The following JPH2 variants were observed in gnomAD, a reference collection of about 807,000 sequenced individuals.
JPH2 encodes the protein junctophilin 2.
JPH2 carries 38 observed loss-of-function variants against 55.9 expected under a neutral mutation model. That is an observed-to-expected ratio of 0.68 (90% CI 0.52 to 0.89). The LOEUF (loss-of-function observed/expected upper bound fraction) is 0.89, where lower values mean the gene tolerates loss of function less well. Among genes scored for constraint, JPH2 ranks in the 40% least tolerant of loss-of-function variants. The probability of loss-of-function intolerance (pLI) is 0.00; values close to 1 mark genes in which losing one functional copy is unlikely to be tolerated. For synonymous variants in JPH2, 480 were observed against 472.4 expected (o/e 1.02, Z -0.21); for missense variants, 964 against 1,037.6 (o/e 0.93, Z 0.97).
intron 2 of JPH2, among the ~76,000 whole-genome samples, chr20:44,140,575 C>T (rs905631314): frequency 2.6e-5 from 4 of 152,156 alleles, no homozygotes; most frequent in South Asian, 2.1e-4. Context: ...CACAAGGATA[C>T]GGCTTGGCCA....
intron 2 of JPH2, among the ~76,000 whole-genome samples, chr20:44,121,282 C>A (rs144750663): frequency 6.6e-6 from 1 of 152,234 alleles, no homozygotes; most frequent in South Asian, 2.1e-4. Flanking sequence ...TTTGTGCCTT[C>A]GAGGAGCTGC....
intron 2 of JPH2, among the ~76,000 whole-genome samples, chr20:44,130,879 G>A (rs1261230382): frequency 2.0e-5 from 3 of 152,000 alleles, no homozygotes; most frequent in Non-Finnish European, 4.4e-5. Context: ...TTTTTATCAG[G>A]GCTGTGAACA....
chr20:44,159,986 T>C lies in JPH2; in HGVS notation c.801A>G (p.Gly267=). The C allele has an allele frequency of 6.3e-7, 1 of 1,589,084 alleles. No individual in the cohort carries two copies. The highest frequency in any genetic ancestry group is 1.3e-5 in the African/African-American group (1 of 74,572). The change falls in exon 2 of 6, where the codon GGA becomes GGG. Residue 267 remains glycine (G), a synonymous_variant. Coordinates refer to ENST00000372980, the MANE Select transcript of JPH2 (RefSeq NM_020433.5). This position sits in a 1 kb window ranked among gnomAD's most constrained non-coding sequence, Gnocchi z 5.7. ...CCTCGTCGGCGCCCTCGGCGGCCTC[T>C]CCCAGGCTGGCGGTGGACGCGGCGT... is the stretch of plus-strand genomic sequence containing the variant. ...ASDAASTASL[G]EAAEGADEAA...
chr20:44,152,210 C>T (rs1055413046), intron 2 of JPH2, among the ~76,000 whole-genome samples: 4 of 152,214 alleles, frequency 2.6e-5, no homozygotes, highest in African/African-American at 9.6e-5. Context: ...AAGGTCAGAT[C>T]GTGGTTAAGA....
chr20:44,115,779 C>T lies in JPH2; in HGVS notation c.1896G>A (p.Glu632=), dbSNP rs367563723. 1 of 1,611,128 alleles carries T rather than the reference C, an allele frequency of 6.2e-7. No homozygotes were observed. The highest frequency in any genetic ancestry group is 1.1e-5 in the South Asian group (1 of 91,078). The part of the protein sequence containing the change: ...LEPKPIIPKA[E]PRAKARKTEA... ...CAGTCTTGCGGGCCTTGGCCCTGGG[C>T]TCGGCTTTGGGGATGATGGGCTTGG... The change falls in exon 4 of 6, where the codon GAG becomes GAA. Residue 632 remains glutamate, a synonymous_variant. Transcript: ENST00000372980.
At position 44,116,406 on chromosome 20, in the gene JPH2, A is replaced by G; in HGVS notation, c.1289-20T>C. ...CCGGACCTGCCAGGGCAACACAGGG[A>G]GGCTGGGCTCGAACCCCGCACCACT... On this transcript the variant is annotated intron_variant, in intron 3 of 5. Transcript: ENST00000372980. 2 of 1,545,706 alleles carry G rather than the reference A, an allele frequency of 1.3e-6. No individual in the cohort carries two copies. The highest frequency in any genetic ancestry group is 1.7e-6 in the Non-Finnish European group (2 of 1,146,334).
chr20:44,143,312 T>A (rs2072471420), intron 2 of JPH2, among the ~76,000 whole-genome samples: 1 of 152,136 alleles, frequency 6.6e-6, no homozygotes, highest in Non-Finnish European at 1.5e-5. Context: ...CCAGCTCCTG[T>A]GTCTACCCCT....
chr20:44,112,203 G>C lies in JPH2; in HGVS notation c.*1315C>G, dbSNP rs1054736226. ...CAAAGCCTCCAAGGTCCACAGAAAT[G>C]AAGGGAGGACAGCAGCAGTTCCCTC... On this transcript the variant is annotated 3_prime_UTR_variant, in exon 6 of 6. Transcript: ENST00000372980. 1 of 152,312 alleles carries C rather than the reference G, an allele frequency of 6.6e-6. No individual in the cohort carries two copies. The highest frequency in any genetic ancestry group is 2.4e-5 in the African/African-American group (1 of 41,454). The allele number at this position is 152,312 out of a possible 1,614,324, so 9.4% of individuals were successfully genotyped here.
intron 5 of JPH2, among the ~76,000 whole-genome samples, 171 bp downstream of exon 5, chr20:44,114,611 C>A (rs574044753): frequency 8.8e-5 from 12 of 136,038 alleles, no homozygotes; most frequent in African/African-American, 2.4e-4. Flanking sequence ...TGTGTGTGTG[C>A]GCTGGTATCA....
intron 2 of JPH2, among the ~76,000 whole-genome samples, chr20:44,146,364 G>C (rs974941787): frequency 5.9e-5 from 9 of 151,930 alleles, no homozygotes; most frequent in Non-Finnish European, 1.0e-4. Context: ...ACATCTCCTT[G>C]CTGCCTGGGA....
At chr20:44,149,962 GGAAAAAA>G (rs1301953624) in intron 2 of JPH2, among the ~76,000 whole-genome samples, 1 of 116,784 alleles carries the variant, frequency 8.6e-6, no homozygotes, top group Non-Finnish European at 1.8e-5. Flanking sequence ...GGGCGACAGA[GGAAAAAA>G]AAAAAAAAAA....
At chr20:44,163,382 T>C (rs1202524806) in intron 1 of JPH2, among the ~76,000 whole-genome samples, 1 of 152,164 alleles carries the variant, frequency 6.6e-6, no homozygotes, top group Non-Finnish European at 1.5e-5. Flanking sequence ...CTTCTAGGAA[T>C]TGGTGCACTG....
Position 44,159,927 on chromosome 20 carries a change from G to A in JPH2, c.860C>T (p.Thr287Ile). Residue 287 changes from threonine to isoleucine, a missense_variant, in exon 2 of 6, where the codon ACC becomes ATC. Physicochemically the swap from Thr to Ile is moderately conservative, Grantham distance 89 (BLOSUM62 -1). Transcript: ENST00000372980. The surrounding 1 kb of genome is among the most constrained non-coding windows in gnomAD (Gnocchi z 5.7). Reference sequence around the variant, plus strand: ...CCACTCGCCCATGTAGGTCTCGGTGGTGGTGGCGTCGATATCGGCCTCGAA... The same window carrying A: ...CCACTCGCCCATGTAGGTCTCGGTGATGGTGGCGTCGATATCGGCCTCGAA... ...APFEADIDAT[T>I]TETYMGEWKN... 1 of 1,611,188 alleles carries A rather than the reference G, an allele frequency of 6.2e-7. No individual in the cohort carries two copies. Among genetic ancestry groups the A allele is most frequent in the Middle Eastern group, 1.7e-4 (1 of 6,060 alleles).
chr20:44,135,715 A>C (rs988798694), intron 2 of JPH2, among the ~76,000 whole-genome samples: 4 of 152,198 alleles, frequency 2.6e-5, no homozygotes, highest in South Asian at 2.1e-4. Flanking sequence ...GTTTTGTTAT[A>C]TGAATCACAT....
chr20:44,137,940 G>T (rs894848552), intron 2 of JPH2, among the ~76,000 whole-genome samples: 4 of 152,042 alleles, frequency 2.6e-5, no homozygotes, highest in African/African-American at 4.8e-5. Context: ...ATGATAGGTG[G>T]TACCAGACCA....
intron 2 of JPH2, among the ~76,000 whole-genome samples, chr20:44,119,789 GC>G (rs2072221610): frequency 6.6e-6 from 1 of 151,152 alleles, no homozygotes; most frequent in South Asian, 2.1e-4. Flanking sequence ...CAGGAGAATG[GC>G]ATGAACCCAG....
intron 2 of JPH2, among the ~76,000 whole-genome samples, chr20:44,146,397 C>T (rs988496240): frequency 1.3e-5 from 2 of 152,112 alleles, no homozygotes; most frequent in African/African-American, 4.8e-5. Context: ...CCCCTCTCTG[C>T]CCAGACCACT....
intron 2 of JPH2, among the ~76,000 whole-genome samples, chr20:44,123,926 T>C (rs1325775302): frequency 6.6e-6 from 1 of 152,124 alleles, no homozygotes; most frequent in Non-Finnish European, 1.5e-5. Flanking sequence ...CCTCCCTGAA[T>C]CAAGGCCCTG....
At chr20:44,151,799 A>C (rs1315392656) in intron 2 of JPH2, among the ~76,000 whole-genome samples, 1 of 152,118 alleles carries the variant, frequency 6.6e-6, no homozygotes, top group Non-Finnish European at 1.5e-5. Flanking sequence ...CTCATCTCTA[A>C]TCTTTCCCCA....
Sources: allele counts gnomAD v4.1 joint callset (sites outside exome capture counted in the v4.1 genomes callset), GRCh38; gene constraint gnomAD v4.1.1; non-coding constraint Gnocchi (gnomAD v3.1); transcripts MANE v1.5; gene names NCBI Gene and HGNC (gene_info 2026-07-23, HGNC 2026-07-21).